The following SSBP3 variants were observed in gnomAD, a reference collection of about 807,000 sequenced individuals.
SSBP3 encodes the protein single-stranded DNA-binding protein 3.
A neutral mutation model predicts 69.6 loss-of-function variants in SSBP3; 5 were observed. The ratio of observed to expected loss-of-function variants is 0.07; its 90% CI spans 0.04 to 0.15. SSBP3 has a LOEUF of 0.15. Among genes scored for constraint, SSBP3 ranks in the 10% least tolerant of loss-of-function variants. The pLI, the probability that SSBP3 is intolerant of heterozygous loss-of-function variation, is 1.00. For synonymous variants in SSBP3, 196 were observed against 193.4 expected (o/e 1.01, Z -0.11); for missense variants, 312 against 534.0 (o/e 0.58, Z 4.10).
At chr1:54,234,426 A>G (rs1442659425) in intron 14 of SSBP3, among the ~76,000 whole-genome samples, 1 of 152,100 alleles carries the variant, frequency 6.6e-6, no homozygotes, top group Non-Finnish European at 1.5e-5. Flanking sequence ...CATCTCTACA[A>G]CAACAAATAA....
chr1:54,308,329 C>A (rs1002900575), intron 4 of SSBP3, among the ~76,000 whole-genome samples: 4 of 151,858 alleles, frequency 2.6e-5, no homozygotes, highest in Non-Finnish European at 1.5e-5. Flanking sequence ...TGGCCGGGCA[C>A]GGTGGCTCAT....
chr1:54,273,086 G>A (rs1207750745), intron 5 of SSBP3, among the ~76,000 whole-genome samples: 1 of 152,264 alleles, frequency 6.6e-6, no homozygotes, highest in Non-Finnish European at 1.5e-5. Context: ...GTAGCATGGG[G>A]CTGGCTCTGC....
chr1:54,407,449 AG>A (rs201130560), upstream of SSBP3, among the ~76,000 whole-genome samples: 42 of 146,596 alleles, frequency 2.9e-4, no homozygotes, highest in Middle Eastern at 3.6e-3. Flanking sequence ...TGGGAAATTG[AG>A]GGGGGGGCTG....
At chr1:54,405,723 C>A (rs905584795) in intron 1 of SSBP3, among the ~76,000 whole-genome samples, 1 of 151,302 alleles carries the variant, frequency 6.6e-6, no homozygotes, top group Non-Finnish European at 1.5e-5. Context: ...TCCGGCGGCT[C>A]CCCCCACCGC....
chr1:54,251,802 C>T, exon 8 of SSBP3: 2 of 1,611,588 alleles, frequency 1.2e-6, no homozygotes, highest in Non-Finnish European at 8.5e-7. Context: ...ACCTTGTTGT[C>T]GTGTGGGATC....
At chr1:54,226,477 CCTTTT>C (rs1291722512) in exon 18 of SSBP3, 1 of 152,922 alleles carries the variant, frequency 6.5e-6, no homozygotes, top group Non-Finnish European at 1.5e-5. Context: ...ACGGTGACTG[CCTTTT>C]CTTCTTTCCA....
At chr1:54,328,167 C>G (rs756743139) in intron 4 of SSBP3, among the ~76,000 whole-genome samples, 1 of 152,142 alleles carries the variant, frequency 6.6e-6, no homozygotes, top group Non-Finnish European at 1.5e-5. Context: ...TCCTCATCTC[C>G]CATCCTCTCT....
At chr1:54,327,768 A>G (rs763819844) in intron 4 of SSBP3, among the ~76,000 whole-genome samples, 1 of 152,176 alleles carries the variant, frequency 6.6e-6, no homozygotes, top group Non-Finnish European at 1.5e-5. Context: ...TCCCCAGGGA[A>G]AAGGACAACA....
At chr1:54,281,456 G>A in exon 5 of SSBP3, 1 of 1,565,300 alleles carries the variant, frequency 6.4e-7, no homozygotes, top group Non-Finnish European at 8.7e-7. Flanking sequence ...AACCTGGCGG[G>A]ATGGGGCCTC....
At chr1:54,289,311 C>G (rs1645562640) in intron 4 of SSBP3, among the ~76,000 whole-genome samples, 1 of 145,124 alleles carries the variant, frequency 6.9e-6, no homozygotes, top group Non-Finnish European at 1.5e-5. Flanking sequence ...ACATGTGTGT[C>G]AAGGAATGCA....
chr1:54,369,220 G>GA (rs928739617), intron 4 of SSBP3, among the ~76,000 whole-genome samples: 1 of 149,452 alleles, frequency 6.7e-6, no homozygotes, highest in South Asian at 2.1e-4. Flanking sequence ...TCTTGAGTCG[G>GA]GGGGGGGGCC....
At position 54,374,397 on chromosome 1, in the gene SSBP3, A is replaced by T. The variant is rs149679562; in HGVS notation, c.276+27464T>A. ...CACCACCTTTGTCATTAATCTCTTCAGTAAGCCCCAAAAGGGCATCACACT... is the reference window on the plus strand; with the variant it reads ...CACCACCTTTGTCATTAATCTCTTCTGTAAGCCCCAAAAGGGCATCACACT... On this transcript the variant is annotated intron_variant, in intron 4 of 17. Transcript: ENST00000610401. Among the ~76,000 whole-genome samples, 75 of 152,332 alleles carry T rather than the reference A, an allele frequency of 4.9e-4. No homozygotes were observed. The East Asian group carries it at 0.011, about 22-fold the overall frequency.
At chr1:54,307,231 C>A (rs934572119) in intron 4 of SSBP3, among the ~76,000 whole-genome samples, 4 of 152,108 alleles carry the variant, frequency 2.6e-5, no homozygotes, top group East Asian at 1.9e-4. Flanking sequence ...GTCACGCCCC[C>A]ACTATGGTCC....
chr1:54,405,896 G>A, intron 1 of SSBP3, 57 bp downstream of exon 1: 1 of 70,602 alleles, frequency 1.4e-5, no homozygotes, highest in Non-Finnish European at 2.7e-5. Context: ...GCCTCCCACC[G>A]CCCGCCCGCC....
chr1:54,354,298 G>A (rs114032103), intron 4 of SSBP3, among the ~76,000 whole-genome samples: 110 of 152,322 alleles, frequency 7.2e-4, no homozygotes, highest in African/African-American at 2.5e-3. Context: ...TGCAGGGCAG[G>A]TGGACAGACC....
chr1:54,232,599 C>CTT (rs1463073976), intron 14 of SSBP3, among the ~76,000 whole-genome samples: 13 of 152,272 alleles, frequency 8.5e-5, no homozygotes, highest in African/African-American at 2.9e-4. Context: ...CTCTCCCTCT[C>CTT]CCCACGGTCT....
intron 4 of SSBP3, among the ~76,000 whole-genome samples, chr1:54,287,571 T>TGGGGAAGG (rs1250579015): frequency 6.6e-6 from 1 of 152,028 alleles, no homozygotes; most frequent in African/African-American, 2.4e-5. Flanking sequence ...TCTGGTGGCC[T>TGGGGAAGG]GGGGAAGGAG....
Position 54,281,423 on chromosome 1 carries a change from G to C in SSBP3, c.366+15C>G. On this transcript the variant is annotated intron_variant, in intron 5 of 17. Transcript: ENST00000610401. ...ATACAAGGTGGAGCACAAGACCCAC[G>C]GGCCCCGCACGTACCTGAAAGAAAC... 6.5e-7 allele frequency: 1 copy of C among 1,548,664 alleles called. No individual in the cohort carries two copies. Among genetic ancestry groups the C allele is most frequent in the Non-Finnish European group, 8.7e-7 (1 of 1,145,504 alleles).
chr1:54,403,659 A>G (rs1048111843), intron 3 of SSBP3, among the ~76,000 whole-genome samples: 4 of 152,204 alleles, frequency 2.6e-5, no homozygotes, highest in Non-Finnish European at 5.9e-5. Context: ...GCTGGCAGAT[A>G]AACCCGCTAA....
Sources: gnomAD v4.1 joint callset for allele counts (sites outside exome capture counted in the v4.1 genomes callset) on GRCh38, gnomAD v4.1.1 for gene constraint, MANE v1.5 for transcripts, NCBI Gene and HGNC (gene_info 2026-07-23, HGNC 2026-07-21) for gene names.